The following ABCB5 variants were observed in gnomAD, a reference collection of about 807,000 sequenced individuals.
ABCB5 encodes the protein ATP binding cassette subfamily B member 5, also known as ATP-binding cassette sub-family B member 5.
A neutral mutation model predicts 144.2 loss-of-function variants in ABCB5; 155 were observed. That is an observed-to-expected ratio of 1.08 (90% CI 0.94 to 1.23). The LOEUF is 1.23. ABCB5 is among the 50% of genes most tolerant of loss of function. ABCB5 has a pLI of 0.00. For missense variants in ABCB5, 1,830 were observed against 1,520.8 expected (o/e 1.20, Z -3.38); for synonymous variants, 610 against 528.6 (o/e 1.15, Z -2.11).
chr7:20,749,330 T>C (rs1450832683), intron 26 of ABCB5, among the ~76,000 whole-genome samples: 1 of 149,198 alleles, frequency 6.7e-6, no homozygotes, highest in Non-Finnish European at 1.5e-5. Context: ...TGGGCTCAAG[T>C]GTTCCTCCCA....
In ABCB5 at chr7:20,629,145, CGTGTGT is replaced by C. The variant is rs149986314; in HGVS notation, c.259+342_259+347del. Among the ~76,000 whole-genome samples, 954 of 135,108 alleles carry C rather than the reference CGTGTGT, an allele frequency of 7.1e-3. 7 individuals carry two copies. Among genetic ancestry groups the C allele is most frequent in the African/African-American group, 0.017 (610 of 35,754 alleles). The allele number at this position is 135,108 out of a possible 152,430, so 88.6% of individuals were successfully genotyped here. ...TAGAAACAAAGAGAGAGAGAGACTG[CGTGTGT>C]GTGTGTGTGTGTGTGTGTGTGTGTG... On this transcript the variant is annotated intron_variant, in intron 4 of 27. Transcript: ENST00000404938.
At chr7:20,718,063 G>A (rs1781742607) in intron 20 of ABCB5, among the ~76,000 whole-genome samples, 1 of 147,446 alleles carries the variant, frequency 6.8e-6, no homozygotes, top group Non-Finnish European at 1.5e-5. Context: ...CACCACGCCT[G>A]GCTAATTTTT....
chr7:20,709,155 A>G (rs1786924328), intron 20 of ABCB5, among the ~76,000 whole-genome samples: 1 of 150,926 alleles, frequency 6.6e-6, no homozygotes, highest in African/African-American at 2.4e-5. Flanking sequence ...AGCCTTATAT[A>G]AGTTACGCAG....
intron 21 of ABCB5, among the ~76,000 whole-genome samples, chr7:20,726,358 C>CG (rs1782035594): frequency 1.3e-5 from 1 of 78,420 alleles, no homozygotes; most frequent in Non-Finnish European, 2.2e-5. Flanking sequence ...TCTCTGCTAT[C>CG]TTTTTTTTTT....
intron 20 of ABCB5, among the ~76,000 whole-genome samples, chr7:20,709,043 A>G (rs1786918687): frequency 6.6e-6 from 1 of 152,228 alleles, no homozygotes; most frequent in Admixed American, 6.5e-5. Flanking sequence ...ACTCATCAAG[A>G]TCCAGGAAAA....
intron 5 of ABCB5, 34 bp from the exon 6 acceptor site, chr7:20,643,150 G>A: frequency 2.0e-6 from 3 of 1,537,282 alleles, no homozygotes; most frequent in African/African-American, 1.4e-5. Context: ...AAAATGTTGT[G>A]CTTCAGTCTC....
At chr7:20,634,411 C>T (rs1377882419) in intron 5 of ABCB5, among the ~76,000 whole-genome samples, 1 of 152,050 alleles carries the variant, frequency 6.6e-6, no homozygotes, top group East Asian at 1.9e-4. Flanking sequence ...TGGGTACATA[C>T]TCAGTATTAA....
chr7:20,616,296 A>T (rs1783683568), intron 1 of ABCB5, among the ~76,000 whole-genome samples: 2 of 152,236 alleles, frequency 1.3e-5, no homozygotes, highest in Admixed American at 1.3e-4. Flanking sequence ...TTGGCCTCCC[A>T]AAGTGCTGGG....
chr7:20,755,544 A>G lies in ABCB5; in HGVS notation c.3694A>G (p.Lys1232Glu). The G allele has an allele frequency of 6.2e-7, 1 of 1,614,224 alleles. No individual in the cohort carries two copies. ...LIVVLHNGKI[K>E]EQGTHQELLR... Reference sequence around the variant, plus strand: ...AGTGGTTCTGCACAATGGAAAGATAAAGGAACAAGGAACTCATCAAGAGCT... The same window carrying G: ...AGTGGTTCTGCACAATGGAAAGATAGAGGAACAAGGAACTCATCAAGAGCT... Residue 1232 changes from lysine to glutamate, a missense_variant, in exon 28 of 28, where the codon AAG becomes GAG. Coordinates refer to ENST00000404938, the MANE Select transcript of ABCB5 (RefSeq NM_001163941.2).
Position 20,624,349 on chromosome 7 carries a change from C to T in ABCB5, c.53+1011C>T, listed in dbSNP as rs187143610. The stretch of plus-strand genomic sequence containing the variant: ...GCTACATAAACTTGGGTTGTTTTAC[C>T]CTGTGACTGTTTCTTCATCTTTAAA... On this transcript the variant is annotated intron_variant, in intron 2 of 27. Coordinates refer to ENST00000404938, the MANE Select transcript of ABCB5 (RefSeq NM_001163941.2). Among the ~76,000 whole-genome samples the T allele has an allele frequency of 3.0e-3, 462 of 152,182 alleles. 11 individuals carry two copies. The highest frequency in any genetic ancestry group is 0.028 in the Admixed American group (425 of 15,274).
chr7:20,622,131 T>A (rs998649642), intron 1 of ABCB5, among the ~76,000 whole-genome samples: 1 of 152,138 alleles, frequency 6.6e-6, no homozygotes, highest in Non-Finnish European at 1.5e-5. Context: ...AACGCATACA[T>A]GATTTTGGTT....
chr7:20,731,850 C>A lies in ABCB5; in HGVS notation c.2867+3395C>A, dbSNP rs576628992. ...TCATCCTCTTCACACTCATCCAAGC[C>A]CCTCCCTGTCTTGACTGGACCACTG... On this transcript the variant is annotated intron_variant, in intron 23 of 27. Coordinates refer to ENST00000404938, the MANE Select transcript of ABCB5 (RefSeq NM_001163941.2). Among the ~76,000 whole-genome samples, 9 of 152,258 alleles carry A rather than the reference C, an allele frequency of 5.9e-5. No homozygotes were observed. The South Asian group carries it at 1.7e-3, about 28-fold the overall frequency.
At chr7:20,633,547 C>T (rs1038996050) in intron 5 of ABCB5, among the ~76,000 whole-genome samples, 11 of 152,100 alleles carry the variant, frequency 7.2e-5, no homozygotes, top group Non-Finnish European at 1.2e-4. Context: ...ATACATATAA[C>T]GTATAGTGAT....
intron 23 of ABCB5, 51 bp from the exon 24 acceptor site, chr7:20,738,932 T>C (rs762319298): frequency 1.3e-6 from 2 of 1,517,610 alleles, no homozygotes; most frequent in African/African-American, 2.8e-5. Context: ...AGTTCTACTG[T>C]TTTACAAAGG....
At chr7:20,653,092 A>T (rs1784656042) in intron 13 of ABCB5, among the ~76,000 whole-genome samples, 1 of 152,166 alleles carries the variant, frequency 6.6e-6, no homozygotes, top group Non-Finnish European at 1.5e-5. Flanking sequence ...TGCCCCTTTC[A>T]ATGACTTCCT....
Position 20,628,804 on chromosome 7 carries a change from C to G in ABCB5, c.225C>G (p.Asn75Lys). The G allele has an allele frequency of 6.2e-7, 1 of 1,613,658 alleles. No individual in the cohort carries two copies. Among genetic ancestry groups the G allele is most frequent in the Non-Finnish European group, 8.5e-7 (1 of 1,179,784 alleles). Reference protein sequence around the residue: ...MPLVLGEMSDNLISGCLVQTN... With the variant: ...MPLVLGEMSDKLISGCLVQTN... ...TGGTTTTAGGAGAAATGAGTGATAA[C>G]CTTATTAGTGGATGTCTAGTCCAAA... is the stretch of plus-strand genomic sequence containing the variant. Residue 75 changes from asparagine (N) to lysine (K), a missense_variant, in exon 4 of 28, where the codon AAC (asparagine) becomes AAG (lysine). Transcript: ENST00000404938.
intron 26 of ABCB5, among the ~76,000 whole-genome samples, chr7:20,750,971 G>C (rs1782907233): frequency 6.6e-6 from 1 of 152,038 alleles, no homozygotes; most frequent in Non-Finnish European, 1.5e-5. Context: ...ATCACCCAGT[G>C]GCAGCTCTCA....
chr7:20,719,055 G>T (rs1024700798), intron 20 of ABCB5, among the ~76,000 whole-genome samples: 1 of 152,066 alleles, frequency 6.6e-6, no homozygotes, highest in Non-Finnish European at 1.5e-5. Context: ...AATAAATCAG[G>T]ATACAAAACT....
chr7:20,671,033 T>C (rs1785448291), intron 14 of ABCB5, among the ~76,000 whole-genome samples: 1 of 152,178 alleles, frequency 6.6e-6, no homozygotes, highest in Non-Finnish European at 1.5e-5. Flanking sequence ...AAGAAAGCAC[T>C]AAGCATGTTA....
Sources: gnomAD v4.1 joint callset for allele counts (sites outside exome capture counted in the v4.1 genomes callset) on GRCh38, gnomAD v4.1.1 for gene constraint, MANE v1.5 for transcripts, NCBI Gene and HGNC (gene_info 2026-07-23, HGNC 2026-07-21) for gene names.